SDR16C5: variants seen among roughly 807,000 people sequenced by gnomAD.
SDR16C5 encodes short chain dehydrogenase/reductase family 16C member 5.
A neutral mutation model predicts 27.7 loss-of-function variants in SDR16C5; 20 were observed. The ratio of observed to expected loss-of-function variants is 0.72; its 90% CI spans 0.51 to 1.05. SDR16C5 has a LOEUF of 1.05. SDR16C5 is among the 50% of genes least tolerant of loss of function. The pLI, the probability that SDR16C5 is intolerant of heterozygous loss-of-function variation, is 0.00. For synonymous variants in SDR16C5, 139 were observed against 132.3 expected (o/e 1.05, Z -0.35); for missense variants, 374 against 366.3 (o/e 1.02, Z -0.17).
At position 56,316,318 on chromosome 8, in the gene SDR16C5, T is replaced by C; in HGVS notation, c.30A>G (p.Lys10=). ...GTGATTTTCCTAAGAAAATGAACAGTTTCTTTGATGATTGCAGGTTGAAAG... is the reference window on the plus strand; with the variant it reads ...GTGATTTTCCTAAGAAAATGAACAGCTTCTTTGATGATTGCAGGTTGAAAG... MSFNLQSSK[K]LFIFLGKSLF... Residue 10 remains lysine (K), a synonymous_variant, in exon 2 of 7, where the codon AAA becomes AAG. Transcript: ENST00000303749. The C allele has an allele frequency of 1.9e-6, 3 of 1,613,916 alleles. No individual in the cohort carries two copies. Among genetic ancestry groups the C allele is most frequent in the Non-Finnish European group, 2.5e-6 (3 of 1,179,796 alleles).
intron 3 of SDR16C5, among the ~76,000 whole-genome samples, chr8:56,310,245 A>G (rs1317688309): frequency 6.6e-4 from 1 of 1,512 alleles, no homozygotes; most frequent in African/African-American, 2.0e-3. Context: ...GAGGAGGAGG[A>G]AGGAGGAGGA....
Position 56,306,721 on chromosome 8 carries a change from C to G in SDR16C5, c.665G>C (p.Cys222Ser). ...CATTCCAGTTTTTATAAAAAAGGGGCACACAATCGTGGTTTTGATCCCCTT... is the reference window on the plus strand; with the variant it reads ...CATTCCAGTTTTTATAAAAAAGGGGGACACAATCGTGGTTTTGATCCCCTT... Reference protein sequence around the residue: ...KQKGIKTTIVCPFFIKTGMFE... With the variant: ...KQKGIKTTIVSPFFIKTGMFE... Residue 222 changes from cysteine to serine, a missense_variant, in exon 5 of 7, where the codon TGC becomes TCC. Physicochemically the swap from Cys to Ser is moderately radical, Grantham distance 112. Coordinates refer to ENST00000303749, the MANE Select transcript of SDR16C5 (RefSeq NM_138969.4). 3 of 1,613,498 alleles carry G rather than the reference C, an allele frequency of 1.9e-6. No homozygotes were observed. The highest frequency in any genetic ancestry group is 1.7e-6 in the Non-Finnish European group (2 of 1,179,806).
At chr8:56,318,969 C>T (rs1322878812) in intron 1 of SDR16C5, among the ~76,000 whole-genome samples, 1 of 152,030 alleles carries the variant, frequency 6.6e-6, no homozygotes, top group Non-Finnish European at 1.5e-5. Context: ...ATCTCTTGTG[C>T]CTCAGTTTCC....
intron 3 of SDR16C5, among the ~76,000 whole-genome samples, chr8:56,310,779 C>T (rs1815026959): frequency 6.6e-6 from 1 of 151,180 alleles, no homozygotes; most frequent in Non-Finnish European, 1.5e-5. Flanking sequence ...GGACCATGGT[C>T]TTTATCTTCA....
rs528692332 is a variant in SDR16C5, at chr8:56,300,637, A to C, written c.*843T>G. The stretch of plus-strand genomic sequence containing the variant: ...GCCCATTCTGCAGGAAAATGCCTCA[A>C]CCTGAATCCCAACTTGAAATACTAA... On this transcript the variant is annotated 3_prime_UTR_variant, in exon 7 of 7. Transcript: ENST00000303749. 2 of 152,332 alleles carry C rather than the reference A, an allele frequency of 1.3e-5. No individual in the cohort carries two copies. The highest frequency in any genetic ancestry group is 4.1e-4 in the South Asian group (2 of 4,826). 9.4% of individuals were successfully genotyped at this position (152,332 alleles called of 1,614,324 possible).
intron 6 of SDR16C5, among the ~76,000 whole-genome samples, chr8:56,302,068 A>G (rs1814770828): frequency 6.6e-6 from 1 of 152,200 alleles, no homozygotes; most frequent in Non-Finnish European, 1.5e-5. Context: ...AGACCCAACT[A>G]ACACTGTCCA....
intron 1 of SDR16C5, among the ~76,000 whole-genome samples, 168 bp downstream of exon 1, chr8:56,319,891 G>C (rs1815293930): frequency 6.6e-6 from 1 of 152,176 alleles, no homozygotes; most frequent in Non-Finnish European, 1.5e-5. Context: ...ACCCGGTGCA[G>C]CTGCTTTCTC....
In SDR16C5 at chr8:56,312,576, G is replaced by A. The variant is rs144768846; in HGVS notation, c.334-288C>T. Among the ~76,000 whole-genome samples the A allele has an allele frequency of 7.6e-3, 1,149 of 152,048 alleles. 11 individuals are homozygous for A. The highest frequency in any genetic ancestry group is 0.023 in the African/African-American group (963 of 41,486). The stretch of plus-strand genomic sequence containing the variant: ...AAAAATTAGCCAGGCATGGTGATGC[G>A]TGCCTCTAGCCCCAGCTACTCGGGA... On this transcript the variant is annotated intron_variant, in intron 2 of 6. Coordinates refer to ENST00000303749, the MANE Select transcript of SDR16C5 (RefSeq NM_138969.4).
At position 56,303,330 on chromosome 8, in the gene SDR16C5, GA is replaced by G. The variant is rs1180255006; in HGVS notation, c.837-1758del. On this transcript the variant is annotated intron_variant, in intron 6 of 6. Transcript: ENST00000303749. ...CTCCATCTTTAAAAAAAAAAAAAAA[GA>G]AAAAAAAAAGTAAAACTCAACTTGC... Among the ~76,000 whole-genome samples, 342 of 140,724 alleles carry G rather than the reference GA, an allele frequency of 2.4e-3. 1 individual carries two copies. The highest frequency in any genetic ancestry group is 8.6e-3 in the African/African-American group (329 of 38,072). 92.3% of individuals were successfully genotyped at this position (140,724 alleles called of 152,430 possible).
At chr8:56,305,461 G>T in intron 6 of SDR16C5, 136 bp downstream of exon 6, 1 of 743,498 alleles carries the variant, frequency 1.3e-6, no homozygotes, top group Non-Finnish European at 2.0e-6. Flanking sequence ...CACAATGATA[G>T]GACTAACAGG....
At chr8:56,302,797 A>G (rs1260274837) in intron 6 of SDR16C5, among the ~76,000 whole-genome samples, 5 of 150,908 alleles carry the variant, frequency 3.3e-5, no homozygotes, top group Non-Finnish European at 7.4e-5. Flanking sequence ...CCTGGGCAAC[A>G]TAGCAAGACC....
chr8:56,302,875 G>C (rs1814792791), intron 6 of SDR16C5, among the ~76,000 whole-genome samples: 1 of 151,844 alleles, frequency 6.6e-6, no homozygotes, highest in Non-Finnish European at 1.5e-5. Context: ...CCAGCTATTT[G>C]GGAGGCTGAG....
chr8:56,306,633 T>G (rs1235125040), intron 5 of SDR16C5, 43 bp downstream of exon 5: 1 of 1,503,834 alleles, frequency 6.6e-7, no homozygotes, highest in South Asian at 1.3e-5. Context: ...TAGCAAAACA[T>G]TTTTAAGAGT....
intron 1 of SDR16C5, among the ~76,000 whole-genome samples, chr8:56,317,945 A>G (rs1815241533): frequency 6.6e-6 from 1 of 152,224 alleles, no homozygotes; most frequent in Non-Finnish European, 1.5e-5. Context: ...CTAGTTGAAG[A>G]GACGTATTCA....
intron 6 of SDR16C5, among the ~76,000 whole-genome samples, chr8:56,301,844 A>T (rs370207010): frequency 1.6e-4 from 25 of 152,306 alleles, no homozygotes; most frequent in East Asian, 9.7e-4. Context: ...CTGTACAATG[A>T]CACAGAGGAA....
At position 56,311,985 on chromosome 8, in the gene SDR16C5, G is replaced by T. The variant is rs533303596; in HGVS notation, c.465+172C>A. Among the ~76,000 whole-genome samples the T allele has an allele frequency of 1.8e-3, 268 of 152,282 alleles. 1 individual carries two copies. Among genetic ancestry groups the T allele is most frequent in the African/African-American group, 5.4e-3 (226 of 41,554 alleles). ...GAATTCCCTAAGCAGAGGTCCTGGGGGCTGTAGATTAAGTGGCATCAGAAA... is the reference window on the plus strand; with the variant it reads ...GAATTCCCTAAGCAGAGGTCCTGGGTGCTGTAGATTAAGTGGCATCAGAAA... On this transcript the variant is annotated intron_variant, in intron 3 of 6. Transcript: ENST00000303749.
chr8:56,315,813 A>G lies in SDR16C5; in HGVS notation c.333+202T>C, dbSNP rs116368863. Among the ~76,000 whole-genome samples, 506 of 152,234 alleles carry G rather than the reference A, an allele frequency of 3.3e-3. 2 individuals carry two copies. The highest frequency in any genetic ancestry group is 0.012 in the African/African-American group (494 of 41,538). ...TGAAATAGGGATAATAATGGGTTTT[A>G]CTTTATAAGGTTATAATACATACAT... On this transcript the variant is annotated intron_variant, in intron 2 of 6. Transcript: ENST00000303749.
intron 4 of SDR16C5, among the ~76,000 whole-genome samples, chr8:56,307,574 A>C (rs1324349272): frequency 6.6e-6 from 1 of 152,260 alleles, no homozygotes; most frequent in South Asian, 2.1e-4. Flanking sequence ...CAGCTACTGC[A>C]ACTGGCAAGA....
chr8:56,303,514 T>C (rs753090676), intron 6 of SDR16C5, among the ~76,000 whole-genome samples: 1 of 152,168 alleles, frequency 6.6e-6, no homozygotes, highest in Non-Finnish European at 1.5e-5. Flanking sequence ...CAGGGACCAC[T>C]GTTTGTCTTG....
Sources: allele counts gnomAD v4.1 joint callset (sites outside exome capture counted in the v4.1 genomes callset), GRCh38; gene constraint gnomAD v4.1.1; transcripts MANE v1.5; gene names NCBI Gene and HGNC (gene_info 2026-07-23, HGNC 2026-07-21).